PDE3A: variants seen among roughly 807,000 people sequenced by gnomAD.
PDE3A encodes cGMP-inhibited 3',5'-cyclic phosphodiesterase 3A.
In PDE3A, 43 loss-of-function variants were observed where a neutral mutation model predicts 98.3. That is an observed-to-expected ratio of 0.44 (90% CI 0.34 to 0.56). The LOEUF is 0.56. Among genes scored for constraint, PDE3A ranks in the 20% least tolerant of loss-of-function variants. PDE3A has a pLI of 0.01. For synonymous variants in PDE3A, 663 were observed against 567.9 expected (o/e 1.17, Z -2.38); for missense variants, 1,427 against 1,440.7 (o/e 0.99, Z 0.15).
chr12:20,425,702 A>G (rs1944591985), intron 1 of PDE3A, among the ~76,000 whole-genome samples: 2 of 152,212 alleles, frequency 1.3e-5, no homozygotes, highest in African/African-American at 4.8e-5. Context: ...TAAGAGAACT[A>G]AGACAAACAT....
chr12:20,521,098 T>C (rs1221105231), intron 1 of PDE3A, among the ~76,000 whole-genome samples: 5 of 151,564 alleles, frequency 3.3e-5, no homozygotes, highest in Non-Finnish European at 5.9e-5. Flanking sequence ...CCTTCAAATA[T>C]ATTCCTGGCT....
chr12:20,645,800 C>A (rs1276677082), intron 10 of PDE3A, among the ~76,000 whole-genome samples: 1 of 152,048 alleles, frequency 6.6e-6, no homozygotes, highest in Admixed American at 6.6e-5. Flanking sequence ...CAGATGATGG[C>A]ATTATCTGGT....
chr12:20,386,092 TATATATA>T (rs1943773908), intron 1 of PDE3A, among the ~76,000 whole-genome samples: 1 of 15,730 alleles, frequency 6.4e-5, no homozygotes, highest in African/African-American at 1.8e-4. Flanking sequence ...AATATATAAA[TATATATA>T]AATATATATA....
At chr12:20,511,435 CACACACACACAT>C (rs1472930610) in intron 1 of PDE3A, among the ~76,000 whole-genome samples, 327 of 151,784 alleles carry the variant, frequency 2.2e-3, no homozygotes, top group African/African-American at 7.6e-3. Flanking sequence ...CACACACACA[CACACACACACAT>C]ACACACACAC....
rs1289613725 is a variant in PDE3A at position 20,641,221 on chromosome 12, A to G, written c.2251+1264A>G. Among the ~76,000 whole-genome samples the G allele has an allele frequency of 2.0e-5, 3 of 152,132 alleles. No individual in the cohort carries two copies. In the East Asian group the frequency reaches 5.8e-4, roughly 29 times the overall value. On this transcript the variant is annotated intron_variant, in intron 10 of 15. Transcript: ENST00000359062. ...AGTGAGATTTTCTGAAGAATGTGGGACCAAAATACAGACAGAGTAAGGCAG... is the reference window on the plus strand; with the variant it reads ...AGTGAGATTTTCTGAAGAATGTGGGGCCAAAATACAGACAGAGTAAGGCAG...
At chr12:20,395,475 T>C (rs1052862562) in intron 1 of PDE3A, among the ~76,000 whole-genome samples, 6 of 130,750 alleles carry the variant, frequency 4.6e-5, no homozygotes, top group Non-Finnish European at 9.8e-5. Flanking sequence ...ATGTATACTA[T>C]GTATACACAT....
At chr12:20,674,679 G>A (rs891248859) in intron 15 of PDE3A, among the ~76,000 whole-genome samples, 1 of 151,952 alleles carries the variant, frequency 6.6e-6, no homozygotes. Context: ...ATTCAATCTT[G>A]GTATATGTGT....
At chr12:20,526,397 T>A (rs552869431) in intron 1 of PDE3A, among the ~76,000 whole-genome samples, 43 of 152,348 alleles carry the variant, frequency 2.8e-4, no homozygotes, top group Admixed American at 3.9e-4. Context: ...GTGATTAAAT[T>A]TTTGAACAAT....
chr12:20,480,164 G>A (rs1945597989), intron 1 of PDE3A, among the ~76,000 whole-genome samples: 1 of 152,150 alleles, frequency 6.6e-6, no homozygotes, highest in Admixed American at 6.6e-5. Context: ...AACATGCAAA[G>A]TTTGAGTATT....
intron 2 of PDE3A, among the ~76,000 whole-genome samples, chr12:20,607,469 C>T (rs1390213798): frequency 6.8e-6 from 1 of 148,020 alleles, no homozygotes; most frequent in Non-Finnish European, 1.5e-5. Flanking sequence ...GAAAAAAAAA[C>T]ACATTGGAAA....
chr12:20,509,259 A>C (rs947291196), intron 1 of PDE3A, among the ~76,000 whole-genome samples: 9 of 152,066 alleles, frequency 5.9e-5, no homozygotes, highest in Non-Finnish European at 1.2e-4. Context: ...CCTTTTAAAC[A>C]GGACCCATAG....
chr12:20,404,827 T>TTTTG (rs1491556496), intron 1 of PDE3A, among the ~76,000 whole-genome samples: 1 of 12,400 alleles, frequency 8.1e-5, no homozygotes. Context: ...GGTTACAGAG[T>TTTTG]TTTTTTTTTT....
intron 2 of PDE3A, among the ~76,000 whole-genome samples, chr12:20,610,603 G>A (rs1943825247): frequency 6.6e-6 from 1 of 151,940 alleles, no homozygotes; most frequent in African/African-American, 2.4e-5. Flanking sequence ...GCCAAGATAT[G>A]TAAATACCAT....
chr12:20,463,842 C>G (rs1295777065), intron 1 of PDE3A, among the ~76,000 whole-genome samples: 1 of 151,990 alleles, frequency 6.6e-6, no homozygotes, highest in African/African-American at 2.4e-5. Context: ...GGCATAGTTC[C>G]TTTGTTTTGT....
chr12:20,533,494 T>G (rs1437042968), intron 1 of PDE3A, among the ~76,000 whole-genome samples: 4 of 111,290 alleles, frequency 3.6e-5, no homozygotes, highest in South Asian at 2.9e-4. Flanking sequence ...TTTTTTTTTT[T>G]GTTTTGAGAC....
intron 1 of PDE3A, chr12:20,551,452 T>C: frequency 1.6e-6 from 1 of 615,278 alleles, no homozygotes. Context: ...TTGATAGCTC[T>C]TTCTCGATTC....
chr12:20,652,103 C>A (rs1230136938), intron 14 of PDE3A, among the ~76,000 whole-genome samples: 16 of 152,150 alleles, frequency 1.1e-4, no homozygotes, highest in East Asian at 1.9e-4. Context: ...TGAACTCATC[C>A]TTTTTTATGG....
rs1190473205 is a variant in PDE3A, at chr12:20,680,863, T to C, written c.*592T>C. The C allele has an allele frequency of 6.5e-6, 1 of 153,604 alleles. No individual in the cohort carries two copies. Among genetic ancestry groups the C allele is most frequent in the Non-Finnish European group, 1.4e-5 (1 of 70,426 alleles). 9.5% of individuals were successfully genotyped at this position (153,604 alleles called of 1,614,324 possible). ...GTGTGTGTGTGTGTGTGTGTGTGTG[T>C]GTGTGTGAAAGAGAGACAGAAGGGA... On this transcript the variant is annotated 3_prime_UTR_variant, in exon 16 of 16. Coordinates refer to ENST00000359062, the MANE Select transcript of PDE3A (RefSeq NM_000921.5).
intron 1 of PDE3A, among the ~76,000 whole-genome samples, chr12:20,394,321 C>T (rs1250046038): frequency 6.6e-6 from 1 of 151,978 alleles, no homozygotes; most frequent in Non-Finnish European, 1.5e-5. Flanking sequence ...ATGCTTGTAA[C>T]TTATAGGGAA....
Sources: gnomAD v4.1 joint callset for allele counts (sites outside exome capture counted in the v4.1 genomes callset) on GRCh38, gnomAD v4.1.1 for gene constraint, MANE v1.5 for transcripts, NCBI Gene and HGNC (gene_info 2026-07-23, HGNC 2026-07-21) for gene names.